The following BLK variants were observed in gnomAD, a reference collection of about 807,000 sequenced individuals.
The protein encoded by BLK is tyrosine-protein kinase Blk.
In BLK, 64 loss-of-function variants were observed where a neutral mutation model predicts 61.8. The observed-to-expected ratio is 1.03, with a 90% CI of 0.85 to 1.27. BLK has a LOEUF of 1.27. BLK is among the 50% of genes most tolerant of loss of function. The pLI is 0.00. For missense variants in BLK, 853 were observed against 660.5 expected, an observed-to-expected ratio of 1.29 and a Z score of -3.19; for synonymous variants, 351 against 272.0, an observed-to-expected ratio of 1.29 and a Z score of -2.86.
At chr8:11,529,517 A>G (rs2117371160) in intron 1 of BLK, among the ~76,000 whole-genome samples, 1 of 152,180 alleles carries the variant, frequency 6.6e-6, no homozygotes, top group South Asian at 2.1e-4. Flanking sequence ...TCTGCAAAAT[A>G]TCTCAAGCGC....
At chr8:11,512,473 T>A (rs1585334237) in intron 1 of BLK, among the ~76,000 whole-genome samples, 1 of 152,246 alleles carries the variant, frequency 6.6e-6, no homozygotes, top group African/African-American at 2.4e-5. Flanking sequence ...ATCATTTAGG[T>A]TCAATTGGGT....
chr8:11,558,527 C>G (rs569214906), intron 10 of BLK: 3 of 406,022 alleles, frequency 7.4e-6, no homozygotes, highest in South Asian at 5.5e-5. Context: ...CTGAGCTACA[C>G]ACAGATGCCA....
At chr8:11,512,740 C>T (rs779499192) in intron 1 of BLK, among the ~76,000 whole-genome samples, 7 of 152,088 alleles carry the variant, frequency 4.6e-5, no homozygotes, top group Admixed American at 3.3e-4. Context: ...CTCGGCTCAC[C>T]GCAACCTCCC....
intron 1 of BLK, among the ~76,000 whole-genome samples, chr8:11,521,275 C>T (rs796290645): frequency 2.9e-4 from 44 of 152,168 alleles, no homozygotes; most frequent in African/African-American, 9.9e-4. Context: ...ATTTAATTTT[C>T]ACCTTTGATT....
intron 11 of BLK, among the ~76,000 whole-genome samples, chr8:11,562,024 G>A (rs559611154): frequency 3.9e-5 from 6 of 152,228 alleles, no homozygotes; most frequent in East Asian, 1.9e-4. Context: ...TCACCATGTT[G>A]GCCAGGCTGG....
chr8:11,556,253 G>A (rs11774549), intron 8 of BLK: 106,131 of 304,216 alleles, frequency 0.35, 20,047 homozygotes, highest in Non-Finnish European at 0.4. Context: ...TCAGAAGGAG[G>A]GAAGGAGACC....
chr8:11,502,349 G>A (rs934132012), intron 1 of BLK, among the ~76,000 whole-genome samples: 1 of 151,372 alleles, frequency 6.6e-6, no homozygotes, highest in Admixed American at 6.6e-5. Flanking sequence ...TGTTGCCCAG[G>A]CTGCAGTGCA....
chr8:11,539,241 G>A (rs748942119), intron 1 of BLK, among the ~76,000 whole-genome samples: 6 of 152,100 alleles, frequency 3.9e-5, no homozygotes, highest in African/African-American at 1.4e-4. Flanking sequence ...TTCATTTGGT[G>A]TTTGCAAATA....
chr8:11,495,351 C>T (rs1371667894), intron 1 of BLK, among the ~76,000 whole-genome samples: 1 of 152,140 alleles, frequency 6.6e-6, no homozygotes, highest in Non-Finnish European at 1.5e-5. Context: ...GCATATCCTC[C>T]TCCCTCGGGA....
intron 2 of BLK, among the ~76,000 whole-genome samples, chr8:11,544,293 T>C (rs1405739153): frequency 4.6e-5 from 7 of 152,164 alleles, no homozygotes; most frequent in African/African-American, 1.4e-4. Context: ...TGATTCTTTG[T>C]GCTCTCTCCA....
intron 1 of BLK, among the ~76,000 whole-genome samples, chr8:11,512,477 A>G (rs1585334244): frequency 6.6e-6 from 1 of 152,238 alleles, no homozygotes; most frequent in African/African-American, 2.4e-5. Flanking sequence ...TTTAGGTTCA[A>G]TTGGGTCTCA....
Position 11,563,124 on chromosome 8 carries a change from C to A in BLK, c.1312+14C>A, listed in dbSNP as rs777095824. The stretch of plus-strand genomic sequence containing the variant: ...TGCCATACCCAGGTAGGTGGCTCAC[C>A]CCGCAGCTCGCGGCTCCCTGCTTTC... On this transcript the variant is annotated intron_variant, in intron 12 of 12. Transcript: ENST00000259089. The A allele has an allele frequency of 7.4e-6, 12 of 1,613,340 alleles. No individual in the cohort carries two copies. Among genetic ancestry groups the A allele is most frequent in the Non-Finnish European group, 9.3e-6 (11 of 1,179,988 alleles).
At chr8:11,510,181 C>T (rs1183097477) in intron 1 of BLK, among the ~76,000 whole-genome samples, 3 of 152,266 alleles carry the variant, frequency 2.0e-5, no homozygotes, top group East Asian at 1.9e-4. Flanking sequence ...CAAGGAATTA[C>T]GATGATATGG....
intron 6 of BLK, among the ~76,000 whole-genome samples, chr8:11,550,732 G>T (rs575786569): frequency 2.0e-4 from 31 of 152,362 alleles, no homozygotes; most frequent in Non-Finnish European, 4.0e-4. Context: ...GGGAGCCCAT[G>T]CCAGTCTAGA....
intron 1 of BLK, among the ~76,000 whole-genome samples, chr8:11,522,748 A>G (rs1006510929): frequency 2.0e-5 from 3 of 152,200 alleles, no homozygotes; most frequent in African/African-American, 4.8e-5. Flanking sequence ...TCTGAAAAAA[A>G]AAGCAAGTTG....
intron 1 of BLK, among the ~76,000 whole-genome samples, chr8:11,535,076 G>A (rs1419357411): frequency 6.6e-6 from 1 of 152,020 alleles, no homozygotes; most frequent in African/African-American, 2.4e-5. Flanking sequence ...TACTCGGGAG[G>A]TTGAGGTGGG....
chr8:11,528,916 C>A (rs1160374487), intron 1 of BLK, among the ~76,000 whole-genome samples: 1 of 152,056 alleles, frequency 6.6e-6, no homozygotes, highest in Non-Finnish European at 1.5e-5. Context: ...CATATGGACA[C>A]ACAGAGGGGA....
chr8:11,557,695 T>C (rs1801299334), intron 9 of BLK, among the ~76,000 whole-genome samples: 1 of 152,168 alleles, frequency 6.6e-6, no homozygotes, highest in Admixed American at 6.5e-5. Flanking sequence ...GCTGGGTGAC[T>C]TCAGACAGGT....
At chr8:11,545,419 G>A (rs903359790) in intron 2 of BLK, among the ~76,000 whole-genome samples, 1 of 152,082 alleles carries the variant, frequency 6.6e-6, no homozygotes, top group South Asian at 2.1e-4. Flanking sequence ...CGTGATGGCG[G>A]GCACCTGTAA....
Sources: gnomAD v4.1 joint callset for allele counts (sites outside exome capture counted in the v4.1 genomes callset) on GRCh38, gnomAD v4.1.1 for gene constraint, MANE v1.5 for transcripts, NCBI Gene and HGNC (gene_info 2026-07-23, HGNC 2026-07-21) for gene names.